The following RGSL1 variants were observed in gnomAD, a reference collection of about 807,000 sequenced individuals.
RGSL1 encodes regulator of G protein signaling like 1, also known as regulator of G protein signaling protein-like.
Under a neutral mutation model 124.7 loss-of-function variants are expected in RGSL1, and 97 were observed. The observed-to-expected ratio is 0.78, with a 90% CI of 0.66 to 0.92. The LOEUF (loss-of-function observed/expected upper bound fraction) is 0.92, where lower values mean the gene tolerates loss of function less well. Among genes scored for constraint, RGSL1 ranks in the 40% least tolerant of loss-of-function variants. The pLI is 0.00. For synonymous variants in RGSL1, 424 were observed against 438.1 expected (o/e 0.97, Z 0.40); for missense variants, 1,233 against 1,288.4 (o/e 0.96, Z 0.66).
chr1:182,530,292 T>A lies in RGSL1; in HGVS notation c.2174T>A (p.Met725Lys). 1 of 1,551,114 alleles carries A rather than the reference T, an allele frequency of 6.4e-7. No individual in the cohort carries two copies. ...DAPIIKEIAS[M>K]RHVTTSTLLT... Reference sequence around the variant, plus strand: ...CCTATTATCAAAGAAATCGCTTCCATGCGTCATGTCACCACAAGCACACTG... The same window carrying A: ...CCTATTATCAAAGAAATCGCTTCCAAGCGTCATGTCACCACAAGCACACTG... The change falls in exon 12 of 22, where the codon ATG (methionine) becomes AAG (lysine). Residue 725 changes from methionine to lysine, a missense_variant. Coordinates refer to ENST00000294854, the MANE Select transcript of RGSL1 (RefSeq NM_001137669.2).
intron 21 of RGSL1, among the ~76,000 whole-genome samples, chr1:182,558,060 A>T (rs934838666): frequency 3.9e-5 from 6 of 152,140 alleles, no homozygotes; most frequent in Admixed American, 1.3e-4. Flanking sequence ...AAAAAGAAGG[A>T]AGGAAGGAAG....
intron 14 of RGSL1, among the ~76,000 whole-genome samples, chr1:182,538,607 T>C (rs1042691467): frequency 2.6e-5 from 4 of 151,912 alleles, no homozygotes; most frequent in Non-Finnish European, 5.9e-5. Context: ...GGGAATATAC[T>C]ACACAAAAGC....
At chr1:182,542,373 C>A (rs1659948127) in intron 15 of RGSL1, among the ~76,000 whole-genome samples, 1 of 152,040 alleles carries the variant, frequency 6.6e-6, no homozygotes, top group Non-Finnish European at 1.5e-5. Context: ...GTGTTGGCTG[C>A]AAAGGCATGG....
At chr1:182,521,285 G>T (rs926043915) in intron 9 of RGSL1, among the ~76,000 whole-genome samples, 4 of 152,138 alleles carry the variant, frequency 2.6e-5, no homozygotes, top group Non-Finnish European at 4.4e-5. Context: ...TGTCCAGACT[G>T]ATTTTAATCT....
rs199966529 is a variant in RGSL1, at chr1:182,460,011, A to G, written c.179A>G (p.Lys60Arg). 4.3e-4 allele frequency: 671 copies of G among 1,550,594 alleles called. 2 individuals carry two copies. Among genetic ancestry groups the G allele is most frequent in the African/African-American group, 1.7e-3 (127 of 73,098 alleles). ...ATTTTGCTTTGACTCTAGATTGCCAAATACAAAGGGTTATTGACCTGGTTG... is the reference window on the plus strand; with the variant it reads ...ATTTTGCTTTGACTCTAGATTGCCAGATACAAAGGGTTATTGACCTGGTTG... Reference protein sequence around the residue: ...WPEIPCNLIAKYKGLLTWLEK... With the variant: ...WPEIPCNLIARYKGLLTWLEK... Residue 60 changes from lysine (K) to arginine (R), a missense_variant, in exon 4 of 22, where the codon AAA becomes AGA. Lys to Arg is a conservative substitution (Grantham distance 26, BLOSUM62 2). Transcript: ENST00000294854.
In RGSL1 at chr1:182,553,054, A is replaced by G. The variant is rs137855964; in HGVS notation, c.3044-401A>G. ...CAAGTAGCTGGAATTACAGGTGAAC[A>G]CCACCATGCCCAGCTAATTTTATAT... On this transcript the variant is annotated intron_variant, in intron 18 of 21. Transcript: ENST00000294854. 8.6e-4 allele frequency among the ~76,000 whole-genome samples: 131 copies of G among 152,272 alleles called. 2 individuals carry two copies. Among genetic ancestry groups the G allele is most frequent in the African/African-American group, 3.0e-3 (126 of 41,548 alleles).
chr1:182,463,377 A>G (rs1190941064), intron 4 of RGSL1, among the ~76,000 whole-genome samples: 1 of 152,170 alleles, frequency 6.6e-6, no homozygotes, highest in Non-Finnish European at 1.5e-5. Context: ...GGCAGAATAA[A>G]TTTTAAAGCA....
rs189996055 is a variant in RGSL1 at position 182,484,637 on chromosome 1, G to C, written c.1432-3648G>C. Among the ~76,000 whole-genome samples the C allele has an allele frequency of 3.9e-3, 599 of 152,336 alleles. 3 individuals are homozygous for C. Among genetic ancestry groups the C allele is most frequent in the Non-Finnish European group, 6.4e-3 (433 of 68,024 alleles). On this transcript the variant is annotated intron_variant, in intron 6 of 21. Coordinates refer to ENST00000294854, the MANE Select transcript of RGSL1 (RefSeq NM_001137669.2). ...GCTCCAACAAGGCACTGTTTCCTCA[G>C]GAGGCAGTGTGCCATTTCAGTTCAG...
intron 11 of RGSL1, among the ~76,000 whole-genome samples, chr1:182,529,425 A>G (rs1659001416): frequency 6.6e-6 from 1 of 152,194 alleles, no homozygotes; most frequent in Non-Finnish European, 1.5e-5. Flanking sequence ...AGAGAGTTGT[A>G]CTGGGAAGGA....
intron 9 of RGSL1, among the ~76,000 whole-genome samples, chr1:182,516,159 C>T (rs1360671851): frequency 1.3e-5 from 2 of 152,118 alleles, no homozygotes; most frequent in African/African-American, 4.8e-5. Context: ...GGGAAACAGC[C>T]GATATTCCTT....
At chr1:182,556,285 G>T (rs1437856774) in intron 21 of RGSL1, 63 bp downstream of exon 21, 2 of 512,592 alleles carry the variant, frequency 3.9e-6, no homozygotes, top group Non-Finnish European at 6.9e-6. Context: ...TGGGTCAGGA[G>T]ACCTGGGCTC....
At chr1:182,536,201 T>C (rs1163589758) in intron 14 of RGSL1, among the ~76,000 whole-genome samples, 1 of 152,212 alleles carries the variant, frequency 6.6e-6, no homozygotes, top group African/African-American at 2.4e-5. Flanking sequence ...CATTCACCAA[T>C]TGTTACATAT....
At chr1:182,526,854 G>A (rs1658786461) in intron 10 of RGSL1, among the ~76,000 whole-genome samples, 1 of 151,984 alleles carries the variant, frequency 6.6e-6, no homozygotes, top group Non-Finnish European at 1.5e-5. Context: ...TCTGATAAAG[G>A]GCATCTATTA....
intron 5 of RGSL1, 56 bp from the exon 6 acceptor site, chr1:182,473,519 T>A: frequency 5.5e-6 from 8 of 1,463,794 alleles, no homozygotes; most frequent in East Asian, 2.5e-5. Flanking sequence ...TCCAACACCA[T>A]CATCACTGCC....
chr1:182,531,462 C>A (rs143440791), intron 13 of RGSL1, among the ~76,000 whole-genome samples: 67 of 152,156 alleles, frequency 4.4e-4, no homozygotes, highest in African/African-American at 1.5e-3. Flanking sequence ...AAAACAACAA[C>A]AAAAAAATAC....
At chr1:182,516,155 C>A (rs1223524188) in intron 9 of RGSL1, among the ~76,000 whole-genome samples, 3 of 152,172 alleles carry the variant, frequency 2.0e-5, no homozygotes, top group Non-Finnish European at 4.4e-5. Flanking sequence ...TGAAGGGAAA[C>A]AGCCGATATT....
At chr1:182,467,951 G>A (rs547048059) in intron 4 of RGSL1, among the ~76,000 whole-genome samples, 175 of 152,254 alleles carry the variant, frequency 1.1e-3, no homozygotes, top group Admixed American at 2.5e-3. Context: ...TCAACAAGTC[G>A]GCAAAGGCTA....
rs1433203088 is a variant in RGSL1, at chr1:182,512,642, A to C, written c.1826-9362A>C. On this transcript the variant is annotated intron_variant, in intron 9 of 21. Coordinates refer to ENST00000294854, the MANE Select transcript of RGSL1 (RefSeq NM_001137669.2). The stretch of plus-strand genomic sequence containing the variant: ...TTTAGCTCTACCATCCACAGACAGC[A>C]TAAGTGTTAACCAGCTCAGTGCACT... Among the ~76,000 whole-genome samples the C allele has an allele frequency of 3.3e-5, 5 of 152,340 alleles. No individual in the cohort carries two copies. In the East Asian group the frequency reaches 9.6e-4, roughly 29 times the overall value.
intron 9 of RGSL1, among the ~76,000 whole-genome samples, chr1:182,498,460 C>A (rs1323373569): frequency 6.6e-6 from 1 of 152,212 alleles, no homozygotes; most frequent in African/African-American, 2.4e-5. Context: ...AGTGTCACTG[C>A]AATCAGATCT....
Sources: allele counts gnomAD v4.1 joint callset (sites outside exome capture counted in the v4.1 genomes callset), GRCh38; gene constraint gnomAD v4.1.1; transcripts MANE v1.5; gene names NCBI Gene and HGNC (gene_info 2026-07-23, HGNC 2026-07-21).